The following MAT2B variants were observed in gnomAD, a reference collection of about 807,000 sequenced individuals.
MAT2B encodes methionine adenosyltransferase 2 non-catalytic beta subunit, also known as methionine adenosyltransferase 2 subunit beta.
A neutral mutation model predicts 36.1 loss-of-function variants in MAT2B; 16 were observed. That is an observed-to-expected ratio of 0.44 (90% CI 0.30 to 0.67). The LOEUF (loss-of-function observed/expected upper bound fraction) is 0.67, where lower values mean the gene tolerates loss of function less well. MAT2B is among the 30% of genes least tolerant of loss of function. The pLI is 0.09. For missense variants in MAT2B, 332 were observed against 398.2 expected (o/e 0.83, Z 1.42); for synonymous variants, 148 against 136.9 (o/e 1.08, Z -0.57).
intron 5 of MAT2B, chr5:163,517,323 G>A (rs1246658376): frequency 1.1e-5 from 3 of 267,456 alleles, no homozygotes; most frequent in Non-Finnish European, 2.1e-5. Flanking sequence ...AAGTAAAATT[G>A]GAGCCTTTTT....
chr5:163,513,593 A>G lies in MAT2B; in HGVS notation c.297A>G (p.Pro99=), dbSNP rs1438774889. 1.2e-6 allele frequency: 2 copies of G among 1,613,498 alleles called. No homozygotes were observed. The highest frequency in any genetic ancestry group is 1.7e-5 in the Admixed American group (1 of 60,010). Residue 99 remains proline, a synonymous_variant, in exon 3 of 7, where the codon CCA becomes CCG. Coordinates refer to ENST00000321757, the MANE Select transcript of MAT2B (RefSeq NM_013283.5). ...VIVHCAAERR[P]DVVENQPDAA... ...TACATTGTGCAGCAGAGAGAAGACCAGATGTTGTAGAAAATCAGCCAGATG... is the reference window on the plus strand; with the variant it reads ...TACATTGTGCAGCAGAGAGAAGACCGGATGTTGTAGAAAATCAGCCAGATG...
upstream of MAT2B, chr5:163,505,583 TG>T (rs1759914463): frequency 2.4e-6 from 3 of 1,247,418 alleles, no homozygotes; most frequent in Non-Finnish European, 3.0e-6. Context: ...GGGGTCGTTC[TG>T]GGCCTAGGGG....
intron 4 of MAT2B, among the ~76,000 whole-genome samples, chr5:163,514,461 A>G (rs1265847690): frequency 4.6e-5 from 7 of 152,234 alleles, no homozygotes. Flanking sequence ...CTCCATATAT[A>G]AAAAGTATAC....
intron 2 of MAT2B, chr5:163,512,737 G>T: frequency 4.4e-6 from 2 of 451,148 alleles, no homozygotes; most frequent in Non-Finnish European, 8.9e-6. Context: ...CTGGAGTGCA[G>T]TGGTGCAGTT....
chr5:163,505,448 T>G, upstream of MAT2B: 1 of 1,064,644 alleles, frequency 9.4e-7, no homozygotes, highest in Non-Finnish European at 1.2e-6. Flanking sequence ...CTTTTGTGTG[T>G]CGCTTTAAGC....
At chr5:163,515,291 A>G (rs1390071968) in intron 4 of MAT2B, among the ~76,000 whole-genome samples, 2 of 152,236 alleles carry the variant, frequency 1.3e-5, no homozygotes, top group Non-Finnish European at 2.9e-5. Context: ...ATCAGCAGGG[A>G]CCATTATAAA....
At chr5:163,505,422 TA>T, upstream of MAT2B, 1 of 777,842 alleles carries the variant, frequency 1.3e-6, no homozygotes, top group Non-Finnish European at 1.7e-6. Flanking sequence ...ATTCACTGCC[TA>T]AGGTCAGGGC....
intron 1 of MAT2B, among the ~76,000 whole-genome samples, chr5:163,510,317 T>G (rs4869088): frequency 1 from 151,576 of 151,874 alleles, 75,641 homozygotes; most frequent in Middle Eastern, 1. Flanking sequence ...CTGTGTGTAA[T>G]AATTTATTTG....
At chr5:163,512,256 C>A (rs1326116291) in intron 2 of MAT2B, 60 bp downstream of exon 2, 3 of 1,356,882 alleles carry the variant, frequency 2.2e-6, no homozygotes, top group Non-Finnish European at 3.2e-6. Flanking sequence ...CTGGATGATA[C>A]AGAAACTATC....
chr5:163,508,087 G>A (rs902633084), intron 1 of MAT2B, among the ~76,000 whole-genome samples: 1 of 152,176 alleles, frequency 6.6e-6, no homozygotes, highest in Non-Finnish European at 1.5e-5. Flanking sequence ...TTAGTTCACA[G>A]GATTGAGACA....
rs200035298 is a variant in MAT2B, at chr5:163,509,493, C to T, written c.64-2509C>T. On this transcript the variant is annotated intron_variant, in intron 1 of 6. Transcript: ENST00000321757. ...GGAACTTGTTGGGAATGCAAATTAT[C>T]AAGCCCCACCCCAGACCTTTGTGAT... 4.6e-5 allele frequency among the ~76,000 whole-genome samples: 7 copies of T among 152,284 alleles called. No individual in the cohort carries two copies. In the East Asian group the frequency reaches 1.4e-3, roughly 29 times the overall value.
In MAT2B at chr5:163,519,177, T is replaced by C. The variant is rs1219305890; in HGVS notation, c.*814T>C. 2 of 152,182 alleles carry C rather than the reference T, an allele frequency of 1.3e-5. No individual in the cohort carries two copies. Among genetic ancestry groups the C allele is most frequent in the African/African-American group, 2.4e-5 (1 of 41,436 alleles). The allele number at this position is 152,182 out of a possible 1,614,324, so 9.4% of individuals were successfully genotyped here. A position where few individuals can be genotyped will look rare whatever the true frequency, so the allele number is the denominator to read the frequency against. On this transcript the variant is annotated 3_prime_UTR_variant, in exon 7 of 7. Coordinates refer to ENST00000321757, the MANE Select transcript of MAT2B (RefSeq NM_013283.5). ...TGCTTAGTTTTCTTGTATTTACTTC[T>C]TTTTTTAAATGTAAGGACCAAACTT...
intron 1 of MAT2B, among the ~76,000 whole-genome samples, chr5:163,509,624 G>A (rs1359595005): frequency 6.6e-6 from 1 of 152,198 alleles, no homozygotes. Context: ...TAAAAAGTGA[G>A]GAACTCAGAA....
chr5:163,508,276 C>T (rs1318963944), intron 1 of MAT2B, among the ~76,000 whole-genome samples: 1 of 152,046 alleles, frequency 6.6e-6, no homozygotes, highest in Admixed American at 6.6e-5. Flanking sequence ...CTTGCTCTTT[C>T]ACCCCGTCTG....
intron 3 of MAT2B, 26 bp downstream of exon 3, chr5:163,513,695 A>T: frequency 6.3e-7 from 1 of 1,575,614 alleles, no homozygotes; most frequent in Non-Finnish European, 8.7e-7. Flanking sequence ...TAAAATTTTC[A>T]TAAAATATTA....
chr5:163,514,294 G>T (rs1374984906), intron 4 of MAT2B, among the ~76,000 whole-genome samples: 1 of 152,118 alleles, frequency 6.6e-6, no homozygotes, highest in African/African-American at 2.4e-5. Context: ...CTCTTAGAGT[G>T]AGATATTCTG....
Position 163,513,638 on chromosome 5 carries a change from G to A in MAT2B, c.342G>A (p.Val114=), listed in dbSNP as rs1362755603. 2 of 1,613,534 alleles carry A rather than the reference G, an allele frequency of 1.2e-6. No homozygotes were observed. Among genetic ancestry groups the A allele is most frequent in the Non-Finnish European group, 1.7e-6 (2 of 1,179,728 alleles). ...NQPDAASQLN[V]DASGNLAKEA... ...CAGATGCTGCCTCTCAACTTAATGT[G>A]GATGCTTCTGGGAATTTAGCAAAGG... Residue 114 remains valine, a synonymous_variant, in exon 3 of 7, where the codon GTG becomes GTA. Transcript: ENST00000321757.
At chr5:163,514,384 T>G (rs1232218809) in intron 4 of MAT2B, among the ~76,000 whole-genome samples, 1 of 152,246 alleles carries the variant, frequency 6.6e-6, no homozygotes, top group Non-Finnish European at 1.5e-5. Context: ...ATATGTATGT[T>G]GTATGTATTA....
At position 163,517,604 on chromosome 5, in the gene MAT2B, A is replaced by AGAT; in HGVS notation, c.767_769dup (p.Met256dup). 1 of 1,613,860 alleles carries AGAT rather than the reference A, an allele frequency of 6.2e-7. No individual in the cohort carries two copies. Among genetic ancestry groups the AGAT allele is most frequent in the Non-Finnish European group, 8.5e-7 (1 of 1,179,752 alleles). On this transcript the variant is annotated inframe_insertion, in exon 6 of 7. Coordinates refer to ENST00000321757, the MANE Select transcript of MAT2B (RefSeq NM_013283.5). Reference sequence around the variant, plus strand: ...ACCTTTCACTGGTCTGGCAATGAACAGATGACTAAGTATGAAATGGCATGT... The same window carrying AGAT: ...ACCTTTCACTGGTCTGGCAATGAACAGATGATGACTAAGTATGAAATGGCATGT...
Sources: gnomAD v4.1 joint callset for allele counts (sites outside exome capture counted in the v4.1 genomes callset) on GRCh38, gnomAD v4.1.1 for gene constraint, MANE v1.5 for transcripts, NCBI Gene and HGNC (gene_info 2026-07-23, HGNC 2026-07-21) for gene names.